Variants in SPRY4 observed in about 807,000 individuals in gnomAD.
SPRY4 encodes sprouty RTK signaling antagonist 4, also known as protein sprouty homolog 4.
A neutral mutation model predicts 17.0 loss-of-function variants in SPRY4; 7 were observed. That is an observed-to-expected ratio of 0.41 (90% CI 0.23 to 0.77). SPRY4 has a LOEUF of 0.77. SPRY4 is among the 30% of genes least tolerant of loss of function. The pLI is 0.32. For synonymous variants in SPRY4, 183 were observed against 174.1 expected (o/e 1.05, Z -0.40); for missense variants, 435 against 419.9 (o/e 1.04, Z -0.31).
In SPRY4 at chr5:142,313,650, G is replaced by A. The variant is rs535294002; in HGVS notation, c.*559C>T. 1 of 156,606 alleles carries A rather than the reference G, an allele frequency of 6.4e-6. No homozygotes were observed. Among genetic ancestry groups the A allele is most frequent in the Non-Finnish European group, 1.4e-5 (1 of 70,484 alleles). The allele number at this position is 156,606 out of a possible 1,614,324, so 9.7% of individuals were successfully genotyped here. On this transcript the variant is annotated 3_prime_UTR_variant, in exon 2 of 2. Transcript: ENST00000434127. ...AGTATATACAATAGGAACTGCTAGG[G>A]TGTTCTACACCTTCCCCAAGACATC...
In SPRY4 at chr5:142,313,479, A is replaced by T. The variant is rs78225060; in HGVS notation, c.*730T>A. 1.3e-5 allele frequency: 2 copies of T among 152,518 alleles called. No homozygotes were observed. The highest frequency in any genetic ancestry group is 1.9e-4 in the East Asian group (1 of 5,190). 9.4% of individuals were successfully genotyped at this position (152,518 alleles called of 1,614,324 possible). The stretch of plus-strand genomic sequence containing the variant: ...AGAACCGAAGGACGGTGTGGTGAGC[A>T]GAACACCCCCGAGAGTTAGTTGATG... On this transcript the variant is annotated 3_prime_UTR_variant, in exon 2 of 2. Coordinates refer to ENST00000434127, the MANE Select transcript of SPRY4 (RefSeq NM_001127496.3).
intron 1 of SPRY4, among the ~76,000 whole-genome samples, chr5:142,320,912 T>C (rs369450568): frequency 2.6e-5 from 4 of 152,334 alleles, no homozygotes; most frequent in African/African-American, 9.6e-5. Flanking sequence ...CTTCTGCAAG[T>C]GGCCACCTGC....
At chr5:142,324,409 C>A (rs1454945788) in intron 1 of SPRY4, 1 of 152,316 alleles carries the variant, frequency 6.6e-6, no homozygotes, top group Non-Finnish European at 1.5e-5. Context: ...GGGCACCGAG[C>A]TGGGAGGTGG....
intron 1 of SPRY4, among the ~76,000 whole-genome samples, chr5:142,320,251 A>G (rs1291343581): frequency 1.3e-5 from 2 of 152,136 alleles, no homozygotes; most frequent in African/African-American, 4.8e-5. Context: ...AAGAAAGACA[A>G]TCTCTGCTGA....
chr5:142,319,790 G>C lies in SPRY4; in HGVS notation c.-47-4635C>G, dbSNP rs567326666. The C allele has an allele frequency of 1.9e-6, 3 of 1,609,986 alleles. No homozygotes were observed. The African/African-American group carries it at 4.0e-5, about 21-fold the overall frequency. On this transcript the variant is annotated intron_variant, in intron 1 of 1. Coordinates refer to ENST00000434127, the MANE Select transcript of SPRY4 (RefSeq NM_001127496.3). ...TCAGGCTGCAAACCGCTCAATACAG[G>C]CTGGCTGAAAAGAATCAAGAGGCAT...
In SPRY4 at chr5:142,314,826, G is replaced by T; in HGVS notation, c.283C>A (p.Arg95Ser). The T allele has an allele frequency of 1.3e-6, 2 of 1,587,418 alleles. No individual in the cohort carries two copies. Among genetic ancestry groups the T allele is most frequent in the Non-Finnish European group, 1.7e-6 (2 of 1,163,632 alleles). ...CTGCTGCTGCTCACAGAGCTGGGGC[G>T]CCCGCTGAAGGAGATCCAATGGTGG... ...VTHHWISFSG[R>S]PSSVSSSSST... Residue 95 changes from arginine to serine, a missense_variant, in exon 2 of 2, where the codon CGC becomes AGC. Arg to Ser is a moderately radical substitution (Grantham distance 110, BLOSUM62 -1). Transcript: ENST00000434127. This position sits in a 1 kb window ranked among gnomAD's most constrained non-coding sequence, Gnocchi z 4.8.
Position 142,324,894 on chromosome 5 carries a change from G to C in SPRY4, c.-98C>G, listed in dbSNP as rs567582274. On this transcript the variant is annotated 5_prime_UTR_variant, in exon 1 of 2. Coordinates refer to ENST00000434127, the MANE Select transcript of SPRY4 (RefSeq NM_001127496.3). ...ATCGCCCCACGTCTGTGTAAATCCT[G>C]AAGCCGGGGCAGGTTAGCCGCCGCT... 2 of 152,844 alleles carry C rather than the reference G, an allele frequency of 1.3e-5. No homozygotes were observed. Among genetic ancestry groups the C allele is most frequent in the Admixed American group, 1.3e-4 (2 of 15,310 alleles). 9.5% of individuals were successfully genotyped at this position (152,844 alleles called of 1,614,324 possible).
chr5:142,314,870 C>G lies in SPRY4; in HGVS notation c.239G>C (p.Arg80Pro). 2 of 1,594,566 alleles carry G rather than the reference C, an allele frequency of 1.3e-6. No homozygotes were observed. Among genetic ancestry groups the G allele is most frequent in the Non-Finnish European group, 8.6e-7 (1 of 1,168,412 alleles). Reference sequence around the variant, plus strand: ...ATGGTGGGTGACATCCTGGTCACAGCGGGCGGGCGTCGGGGCCAGCTCTGG... The same window carrying G: ...ATGGTGGGTGACATCCTGGTCACAGGGGGCGGGCGTCGGGGCCAGCTCTGG... ...GAPELAPTPA[R>P]CDQDVTHHWI... Residue 80 changes from arginine (R) to proline (P), a missense_variant, in exon 2 of 2, where the codon CGC becomes CCC. Coordinates refer to ENST00000434127, the MANE Select transcript of SPRY4 (RefSeq NM_001127496.3). The surrounding 1 kb of genome is among the most constrained non-coding windows in gnomAD (Gnocchi z 4.8).
chr5:142,312,374 C>T lies in SPRY4; in HGVS notation c.*1835G>A, dbSNP rs868112687. ...GCTAGCAAATGTTACATAAATAAAGCCGAAAATAATATGACCCTCCCTTCC... is the reference window on the plus strand; with the variant it reads ...GCTAGCAAATGTTACATAAATAAAGTCGAAAATAATATGACCCTCCCTTCC... On this transcript the variant is annotated 3_prime_UTR_variant, in exon 2 of 2. Coordinates refer to ENST00000434127, the MANE Select transcript of SPRY4 (RefSeq NM_001127496.3). The T allele has an allele frequency of 1.3e-5, 2 of 152,524 alleles. No individual in the cohort carries two copies. Among genetic ancestry groups the T allele is most frequent in the African/African-American group, 2.4e-5 (1 of 41,416 alleles). 9.4% of individuals were successfully genotyped at this position (152,524 alleles called of 1,614,324 possible).
At chr5:142,316,296 A>G (rs555619651) in intron 1 of SPRY4, among the ~76,000 whole-genome samples, 1 of 152,174 alleles carries the variant, frequency 6.6e-6, no homozygotes, top group Admixed American at 6.5e-5. Flanking sequence ...TAAATCAAAG[A>G]GCGGAAACTG....
At chr5:142,323,346 C>T (rs546728901) in intron 1 of SPRY4, among the ~76,000 whole-genome samples, 2 of 152,300 alleles carry the variant, frequency 1.3e-5, no homozygotes, top group African/African-American at 4.8e-5. Flanking sequence ...TGGCCTCTCC[C>T]AAAACTGGAG....
chr5:142,314,944 G>T lies in SPRY4; in HGVS notation c.165C>A (p.Asn55Lys). The T allele has an allele frequency of 1.2e-6, 2 of 1,614,044 alleles. No individual in the cohort carries two copies. The highest frequency in any genetic ancestry group is 3.3e-4 in the Middle Eastern group (2 of 6,060). ...GGCCGGTGGTCAGGGCCAGGCTAGG[G>T]TTGTCTATGTAGTCATTCTCCACAT... ...TSHVENDYID[N>K]PSLALTTGPK... Residue 55 changes from asparagine (N) to lysine (K), a missense_variant, in exon 2 of 2, where the codon AAC (asparagine) becomes AAA (lysine). Transcript: ENST00000434127. The surrounding 1 kb of genome is among the most constrained non-coding windows in gnomAD (Gnocchi z 4.8).
intron 1 of SPRY4, among the ~76,000 whole-genome samples, chr5:142,320,243 G>T (rs937500762): frequency 2.6e-5 from 4 of 152,128 alleles, no homozygotes; most frequent in Non-Finnish European, 2.9e-5. Context: ...ACCCTGCAAA[G>T]AAAGACAATC....
In SPRY4 at chr5:142,312,536, TC is replaced by T. The variant is rs1307889087; in HGVS notation, c.*1672del. 1 of 152,140 alleles carries T rather than the reference TC, an allele frequency of 6.6e-6. No homozygotes were observed. The highest frequency in any genetic ancestry group is 1.5e-5 in the Non-Finnish European group (1 of 68,020). 9.4% of individuals were successfully genotyped at this position (152,140 alleles called of 1,614,324 possible). On this transcript the variant is annotated 3_prime_UTR_variant, in exon 2 of 2. Coordinates refer to ENST00000434127, the MANE Select transcript of SPRY4 (RefSeq NM_001127496.3). ...ATAGCTACCTACCTCGCTGCCTCCT[TC>T]CCGGAGGCACCTCTGTTCCTATACA...
chr5:142,311,243 AG>A lies in SPRY4; in HGVS notation c.*2965del, dbSNP rs1368856162. ...CTTTGCTACCCAAGACCCAGTTCCC[AG>A]GGTGCTCGCGGAAGCGCTGTCCTTC... On this transcript the variant is annotated 3_prime_UTR_variant, in exon 2 of 2. Transcript: ENST00000434127. 13 of 152,302 alleles carry A rather than the reference AG, an allele frequency of 8.5e-5. No homozygotes were observed. The highest frequency in any genetic ancestry group is 3.1e-4 in the African/African-American group (13 of 41,550). 9.4% of individuals were successfully genotyped at this position (152,302 alleles called of 1,614,324 possible). A position where few individuals can be genotyped will look rare whatever the true frequency, so the allele number is the denominator to read the frequency against.
intron 1 of SPRY4, chr5:142,319,830 C>A (rs1759285855): frequency 6.3e-7 from 1 of 1,583,990 alleles, no homozygotes; most frequent in South Asian, 1.2e-5. Context: ...AATGTCCGCA[C>A]AATTGAGCAG....
At chr5:142,321,899 T>C (rs1039158459) in intron 1 of SPRY4, among the ~76,000 whole-genome samples, 1 of 152,232 alleles carries the variant, frequency 6.6e-6, no homozygotes, top group African/African-American at 2.4e-5. Context: ...CATTCAGCCC[T>C]GTAAACTGGA....
At chr5:142,316,715 A>G (rs1759165291) in intron 1 of SPRY4, among the ~76,000 whole-genome samples, 1 of 152,218 alleles carries the variant, frequency 6.6e-6, no homozygotes. Context: ...CCTGTCTAAA[A>G]TAAAAAGCTA....
At chr5:142,317,629 T>C (rs1238140648) in intron 1 of SPRY4, 1 of 985,306 alleles carries the variant, frequency 1.0e-6, no homozygotes, top group African/African-American at 1.7e-5. Context: ...CTTTTTTTTT[T>C]TTTTTTCATT....
Sources: allele counts gnomAD v4.1 joint callset (sites outside exome capture counted in the v4.1 genomes callset), GRCh38; gene constraint gnomAD v4.1.1; non-coding constraint Gnocchi (gnomAD v3.1); transcripts MANE v1.5; gene names NCBI Gene and HGNC (gene_info 2026-07-23, HGNC 2026-07-21).